Variants in ST6GALNAC3 observed in about 807,000 individuals in gnomAD.
ST6GALNAC3 encodes alpha-N-acetylgalactosaminide alpha-2,6-sialyltransferase 3.
Under a neutral mutation model 32.7 loss-of-function variants are expected in ST6GALNAC3, and 25 were observed. The ratio of observed to expected loss-of-function variants is 0.76; its 90% CI spans 0.56 to 1.07. ST6GALNAC3 has a LOEUF of 1.07. ST6GALNAC3 is among the 50% of genes least tolerant of loss of function. The pLI, the probability that ST6GALNAC3 is intolerant of heterozygous loss-of-function variation, is 0.00. For synonymous variants in ST6GALNAC3, 129 were observed against 133.1 expected (o/e 0.97, Z 0.21); for missense variants, 355 against 382.4 (o/e 0.93, Z 0.60).
intron 2 of ST6GALNAC3, among the ~76,000 whole-genome samples, chr1:76,389,999 G>A (rs2031482): frequency 0.29 from 43,947 of 151,872 alleles, 7,682 homozygotes; most frequent in East Asian, 0.6. Flanking sequence ...ATCTAGTACC[G>A]CCTATCATTG....
intron 3 of ST6GALNAC3, among the ~76,000 whole-genome samples, chr1:76,598,185 G>A (rs1415859952): frequency 1.3e-5 from 2 of 152,044 alleles, no homozygotes; most frequent in Non-Finnish European, 2.9e-5. Flanking sequence ...ATTCATGAGG[G>A]CTCCACTCTC....
intron 3 of ST6GALNAC3, among the ~76,000 whole-genome samples, chr1:76,551,010 C>G (rs941950791): frequency 2.0e-5 from 3 of 152,208 alleles, no homozygotes; most frequent in Non-Finnish European, 4.4e-5. Flanking sequence ...TCTGCACCCC[C>G]GCCCTGCCTG....
At chr1:76,147,454 C>A (rs1396421251) in intron 1 of ST6GALNAC3, among the ~76,000 whole-genome samples, 2 of 152,162 alleles carry the variant, frequency 1.3e-5, no homozygotes. Flanking sequence ...ACCTGAGATG[C>A]AAGACCATGT....
At chr1:76,472,418 C>A (rs549643473) in intron 3 of ST6GALNAC3, among the ~76,000 whole-genome samples, 2 of 152,104 alleles carry the variant, frequency 1.3e-5, no homozygotes, top group South Asian at 4.2e-4. Context: ...ACTAGAATGG[C>A]CTTGGTGATC....
At chr1:76,597,305 G>A (rs1262677255) in intron 3 of ST6GALNAC3, among the ~76,000 whole-genome samples, 1 of 152,054 alleles carries the variant, frequency 6.6e-6, no homozygotes, top group Non-Finnish European at 1.5e-5. Flanking sequence ...GTAAGTATAT[G>A]TCGCTTGCTG....
At chr1:76,490,051 T>C (rs543303461) in intron 3 of ST6GALNAC3, among the ~76,000 whole-genome samples, 1 of 152,112 alleles carries the variant, frequency 6.6e-6, no homozygotes, top group Non-Finnish European at 1.5e-5. Context: ...CCTCATATGC[T>C]TCATGGGAAA....
At chr1:76,385,817 G>A (rs1376913189) in intron 2 of ST6GALNAC3, among the ~76,000 whole-genome samples, 1 of 152,026 alleles carries the variant, frequency 6.6e-6, no homozygotes, top group Non-Finnish European at 1.5e-5. Flanking sequence ...TATGAACTAG[G>A]ACCTTAAGTA....
intron 3 of ST6GALNAC3, among the ~76,000 whole-genome samples, chr1:76,444,029 A>C (rs566693373): frequency 1.3e-5 from 2 of 152,334 alleles, no homozygotes; most frequent in Middle Eastern, 3.4e-3. Context: ...TTGACCTCTT[A>C]CTTCTCACAG....
intron 1 of ST6GALNAC3, among the ~76,000 whole-genome samples, chr1:76,151,271 G>T (rs1451944704): frequency 6.6e-6 from 1 of 151,966 alleles, no homozygotes; most frequent in Non-Finnish European, 1.5e-5. Context: ...GGGCAAACAG[G>T]GGGGCAAGGG....
chr1:76,525,814 T>TATATATATACGTATATATACATATATAC (rs1662874452), intron 3 of ST6GALNAC3, among the ~76,000 whole-genome samples: 1 of 127,218 alleles, frequency 7.9e-6, no homozygotes, highest in African/African-American at 2.6e-5. Flanking sequence ...TATATATATA[T>TATATATATACGTATATATACATATATAC]ATATATATAT....
chr1:76,238,153 C>T (rs1479435804), intron 1 of ST6GALNAC3, among the ~76,000 whole-genome samples: 4 of 152,196 alleles, frequency 2.6e-5, no homozygotes, highest in Non-Finnish European at 4.4e-5. Flanking sequence ...CTTCCCAGCC[C>T]GCACCTTCTA....
chr1:76,268,814 C>T (rs889553339), intron 1 of ST6GALNAC3, among the ~76,000 whole-genome samples: 2 of 152,124 alleles, frequency 1.3e-5, no homozygotes, highest in Non-Finnish European at 2.9e-5. Flanking sequence ...TCTGCCTAAC[C>T]ACGATGTACC....
chr1:76,210,700 C>A (rs1462996608), intron 1 of ST6GALNAC3, among the ~76,000 whole-genome samples: 4 of 152,180 alleles, frequency 2.6e-5, no homozygotes, highest in Admixed American at 2.6e-4. Context: ...TATGTGTCCT[C>A]ACATGGACAT....
chr1:76,505,241 G>A (rs183176546), intron 3 of ST6GALNAC3, among the ~76,000 whole-genome samples: 1 of 151,844 alleles, frequency 6.6e-6, no homozygotes, highest in African/African-American at 2.4e-5. Context: ...TCCTGCCTCA[G>A]TCTCCCGAGT....
intron 2 of ST6GALNAC3, among the ~76,000 whole-genome samples, chr1:76,390,140 T>A (rs1652421022): frequency 6.6e-6 from 1 of 152,186 alleles, no homozygotes; most frequent in African/African-American, 2.4e-5. Context: ...TATGTTTGTT[T>A]TATGATAGTT....
intron 1 of ST6GALNAC3, among the ~76,000 whole-genome samples, chr1:76,282,831 C>A (rs1659569684): frequency 6.6e-6 from 1 of 150,662 alleles, no homozygotes; most frequent in Non-Finnish European, 1.5e-5. Flanking sequence ...GAGTTCCAGA[C>A]CAGCCTGGCC....
chr1:76,536,683 G>A (rs1270216555), intron 3 of ST6GALNAC3, among the ~76,000 whole-genome samples: 2 of 147,614 alleles, frequency 1.4e-5, no homozygotes, highest in African/African-American at 4.9e-5. Flanking sequence ...AAAAGCAGGG[G>A]TTGTAATCCT....
At chr1:76,483,902 G>A (rs1427256124) in intron 3 of ST6GALNAC3, among the ~76,000 whole-genome samples, 2 of 141,176 alleles carry the variant, frequency 1.4e-5, no homozygotes, top group African/African-American at 2.8e-5. Context: ...TTTTGTATAC[G>A]GTGCAAGGAA....
chr1:76,363,402 C>G (rs1228938017), intron 2 of ST6GALNAC3, among the ~76,000 whole-genome samples: 1 of 152,216 alleles, frequency 6.6e-6, no homozygotes. Context: ...CTGAGACCTT[C>G]TTGGCCTGGA....
Sources: gnomAD v4.1 joint callset for allele counts (sites outside exome capture counted in the v4.1 genomes callset) on GRCh38, gnomAD v4.1.1 for gene constraint, MANE v1.5 for transcripts, NCBI Gene and HGNC (gene_info 2026-07-23, HGNC 2026-07-21) for gene names.